VAV2: variants seen among roughly 807,000 people sequenced by gnomAD.
VAV2 encodes the protein guanine nucleotide exchange factor VAV2.
Under a neutral mutation model 132.5 loss-of-function variants are expected in VAV2, and 67 were observed. The observed-to-expected ratio is 0.51, with a 90% confidence interval of 0.42 to 0.62. The LOEUF (loss-of-function observed/expected upper bound fraction) is 0.62. VAV2 is among the 20% of genes least tolerant of loss of function. The pLI, the probability that VAV2 is intolerant of heterozygous loss-of-function variation, is 0.00. For synonymous variants in VAV2, 492 were observed against 443.5 expected (o/e 1.11, Z -1.37); for missense variants, 938 against 1,153.6 (o/e 0.81, Z 2.71).
Position 133,806,095 on chromosome 9 carries a change from G to A in VAV2, c.822C>T (p.Leu274=), listed in dbSNP as rs1001801242. 17 of 1,612,718 alleles carry A rather than the reference G, an allele frequency of 1.1e-5. No homozygotes were observed. The highest frequency in any genetic ancestry group is 2.2e-5 in the East Asian group (1 of 44,880). Reference sequence around the variant, plus strand: ...CAGCCACTCACCTTTCCTTGAAATCGAGGAAGACCTTGGCCAGCGTGCTGC... The same window carrying A: ...CAGCCACTCACCTTTCCTTGAAATCAAGGAAGACCTTGGCCAGCGTGCTGC... ...VGGSTLAKVF[L]DFKERLLIYG... is the part of the protein sequence containing the mutation. Residue 274 remains leucine (L), a synonymous_variant, in exon 9 of 30, where the codon CTC becomes CTT. Coordinates refer to ENST00000371850, the MANE Select transcript of VAV2 (RefSeq NM_001134398.2).
intron 3 of VAV2, among the ~76,000 whole-genome samples, chr9:133,843,579 G>C (rs915481477): frequency 6.6e-6 from 1 of 152,132 alleles, no homozygotes; most frequent in Non-Finnish European, 1.5e-5. Flanking sequence ...GGCTTGCTAA[G>C]GGCCCTACAC....
chr9:133,871,763 A>T (rs1838065119), intron 2 of VAV2, among the ~76,000 whole-genome samples: 1 of 152,162 alleles, frequency 6.6e-6, no homozygotes, highest in Admixed American at 6.5e-5. Flanking sequence ...GAGAGGTAAC[A>T]TGACTCGACC....
chr9:133,983,633 C>T (rs1564525079), intron 1 of VAV2, among the ~76,000 whole-genome samples: 2 of 151,710 alleles, frequency 1.3e-5, no homozygotes, highest in South Asian at 2.1e-4. Context: ...TCACAACGCT[C>T]GGCAGAGAAC....
At chr9:133,866,590 G>C (rs1332807994) in intron 2 of VAV2, among the ~76,000 whole-genome samples, 1 of 152,134 alleles carries the variant, frequency 6.6e-6, no homozygotes, top group Non-Finnish European at 1.5e-5. Context: ...GATCACTCGA[G>C]GTCAGGAGTT....
chr9:133,910,109 C>T (rs12005036), intron 2 of VAV2, among the ~76,000 whole-genome samples: 29,555 of 152,118 alleles, frequency 0.19, 3,174 homozygotes, highest in Middle Eastern at 0.28. Context: ...TCAGCTTCCC[C>T]CACCCCAGCC....
intron 22 of VAV2, 29 bp downstream of exon 22, chr9:133,778,733 C>A: frequency 6.2e-7 from 1 of 1,609,518 alleles, no homozygotes. Flanking sequence ...AGCCGGGGAC[C>A]CTCGACCCTC....
intron 1 of VAV2, among the ~76,000 whole-genome samples, chr9:133,966,208 G>A (rs1028617384): frequency 3.3e-5 from 5 of 152,176 alleles, no homozygotes; most frequent in Non-Finnish European, 1.5e-5. Context: ...AAATGCTTCC[G>A]GACATTGGTC....
chr9:133,804,242 G>C lies in VAV2; in HGVS notation c.836+1839C>G, dbSNP rs1158029848. Among the ~76,000 whole-genome samples, 4 of 152,202 alleles carry C rather than the reference G, an allele frequency of 2.6e-5. No homozygotes were observed. Among genetic ancestry groups the C allele is most frequent in the Non-Finnish European group, 2.9e-5 (2 of 68,042 alleles). On this transcript the variant is annotated intron_variant, in intron 9 of 29. Coordinates refer to ENST00000371850, the MANE Select transcript of VAV2 (RefSeq NM_001134398.2). This position sits in a 1 kb window ranked among gnomAD's most constrained non-coding sequence, Gnocchi z 4.5. ...AAGCTGGATGCTGGGACAGAACCAC[G>C]ATGATTTGGTGATGAGCTCTGATGA...
intron 2 of VAV2, among the ~76,000 whole-genome samples, chr9:133,894,316 T>C (rs1343741348): frequency 6.6e-6 from 1 of 152,136 alleles, no homozygotes; most frequent in Non-Finnish European, 1.5e-5. Flanking sequence ...CCAGACCTGG[T>C]GCAACTGACC....
At chr9:133,877,049 T>C (rs888841099) in intron 2 of VAV2, among the ~76,000 whole-genome samples, 3 of 151,896 alleles carry the variant, frequency 2.0e-5, no homozygotes, top group Admixed American at 2.0e-4. Context: ...CGAGTCTCCC[T>C]CCCCACCCAC....
Position 133,863,288 on chromosome 9 carries a change from C to T in VAV2, c.322-1856G>A, listed in dbSNP as rs1286578489. Among the ~76,000 whole-genome samples the T allele has an allele frequency of 6.6e-6, 1 of 152,252 alleles. No individual in the cohort carries two copies. Among genetic ancestry groups the T allele is most frequent in the Non-Finnish European group, 1.5e-5 (1 of 68,042 alleles). The stretch of plus-strand genomic sequence containing the variant: ...TGCGGCAGACGTGGCTGATCAATCC[C>T]TCCGAGGAGCCGGGCGCAGGCCCAG... On this transcript the variant is annotated intron_variant, in intron 2 of 29. Transcript: ENST00000371850. This position sits in a 1 kb window ranked among gnomAD's most constrained non-coding sequence, Gnocchi z 5.0.
At chr9:133,957,167 G>A (rs567208) in intron 1 of VAV2, among the ~76,000 whole-genome samples, 51,826 of 151,982 alleles carry the variant, frequency 0.34, 9,812 homozygotes, top group Non-Finnish European at 0.43. Context: ...ACTGAGGCTC[G>A]GCCTGGCAGT....
At chr9:133,861,504 C>G (rs7853626) in intron 2 of VAV2, 72 bp from the exon 3 acceptor site, 240,490 of 1,558,678 alleles carry the variant, frequency 0.15, 19,991 homozygotes, top group African/African-American at 0.31. Flanking sequence ...ACTGGGGACG[C>G]TGCTTTGCAG....
Position 133,829,639 on chromosome 9 carries a change from A to AT in VAV2, c.449+4632dup, listed in dbSNP as rs1235543248. ...ATATGCTGGGTTAACTATAACATACATTTTTTTTTTTAAGAGATGAGGTCT... is the reference window on the plus strand; with the variant it reads ...ATATGCTGGGTTAACTATAACATACATTTTTTTTTTTTAAGAGATGAGGTCT... On this transcript the variant is annotated intron_variant, in intron 4 of 29. Transcript: ENST00000371850. Among the ~76,000 whole-genome samples, 1,081 of 148,990 alleles carry AT rather than the reference A, an allele frequency of 7.3e-3. 9 individuals carry two copies. Among genetic ancestry groups the AT allele is most frequent in the African/African-American group, 0.023 (952 of 40,802 alleles).
At chr9:133,975,581 G>A (rs1842478201) in intron 1 of VAV2, among the ~76,000 whole-genome samples, 1 of 152,116 alleles carries the variant, frequency 6.6e-6, no homozygotes. Context: ...AAGTGATGTG[G>A]CCAAAATCAC....
chr9:133,863,255 A>G lies in VAV2; in HGVS notation c.322-1823T>C, dbSNP rs1156632840. ...ACAGGGCACCCAAGCCCCCTCTCAC[A>G]CACCTCCTGCGGCAGACGTGGCTGA... On this transcript the variant is annotated intron_variant, in intron 2 of 29. Coordinates refer to ENST00000371850, the MANE Select transcript of VAV2 (RefSeq NM_001134398.2). The surrounding 1 kb of genome is among the most constrained non-coding windows in gnomAD (Gnocchi z 5.0). 6.6e-6 allele frequency among the ~76,000 whole-genome samples: 1 copy of G among 152,172 alleles called. No homozygotes were observed. Among genetic ancestry groups the G allele is most frequent in the Non-Finnish European group, 1.5e-5 (1 of 68,012 alleles).
chr9:133,957,831 A>G (rs993711815), intron 1 of VAV2, among the ~76,000 whole-genome samples: 3 of 131,974 alleles, frequency 2.3e-5, no homozygotes, highest in African/African-American at 7.5e-5. Flanking sequence ...TGTAGAAAGA[A>G]GTAGACATGG....
Position 133,879,703 on chromosome 9 carries a change from T to G in VAV2, c.322-18271A>C, listed in dbSNP as rs1282299433. The stretch of plus-strand genomic sequence containing the variant: ...GAACCACCAAGAACCTGCTCTCCCT[T>G]CCAAAGCAGAACCTATCCGAGAATC... On this transcript the variant is annotated intron_variant, in intron 2 of 29. Transcript: ENST00000371850. This position sits in a 1 kb window ranked among gnomAD's most constrained non-coding sequence, Gnocchi z 4.4. 6.6e-6 allele frequency among the ~76,000 whole-genome samples: 1 copy of G among 151,950 alleles called. No homozygotes were observed. Among genetic ancestry groups the G allele is most frequent in the African/African-American group, 2.4e-5 (1 of 41,350 alleles).
At chr9:133,858,153 T>C (rs922421475) in intron 3 of VAV2, among the ~76,000 whole-genome samples, 8 of 152,180 alleles carry the variant, frequency 5.3e-5, no homozygotes, top group Admixed American at 5.2e-4. Context: ...AGATAGGCCC[T>C]CCGGATAAGA....
Sources: gnomAD v4.1 joint callset for allele counts (sites outside exome capture counted in the v4.1 genomes callset) on GRCh38, gnomAD v4.1.1 for gene constraint, Gnocchi (gnomAD v3.1) non-coding constraint, MANE v1.5 for transcripts, NCBI Gene and HGNC (gene_info 2026-07-23, HGNC 2026-07-21) for gene names.